Variants in ITPR3 observed in about 807,000 individuals in gnomAD.
The protein encoded by ITPR3 is inositol 1,4,5-trisphosphate receptor type 3, also known as inositol 1,4,5-trisphosphate-gated calcium channel ITPR3.
ITPR3 carries 173 observed loss-of-function variants against 293.2 expected under a neutral mutation model. The observed-to-expected ratio is 0.59, with a 90% confidence interval of 0.52 to 0.67. ITPR3 has a LOEUF of 0.67. Ranked by LOEUF, ITPR3 falls within the 30% of genes least tolerant of loss-of-function variation. ITPR3 has a pLI of 0.00. For synonymous variants in ITPR3, 1,295 were observed against 1,444.4 expected (o/e 0.90, Z 2.35); for missense variants, 2,796 against 3,592.1 (o/e 0.78, Z 5.66).
chr6:33,640,350 G>T, intron 1 of ITPR3, 134 bp from the exon 2 acceptor site: 1 of 772,470 alleles, frequency 1.3e-6, no homozygotes, highest in Non-Finnish European at 2.0e-6. Flanking sequence ...TGACTTGATG[G>T]TGGGGAGCTT....
At chr6:33,663,095 G>T (rs1457551315) in intron 9 of ITPR3, 89 bp downstream of exon 9, 1 of 1,121,426 alleles carries the variant, frequency 8.9e-7, no homozygotes, top group South Asian at 1.4e-5. Flanking sequence ...TTGCATATGT[G>T]GCACATGTGC....
rs756593523 is a variant in ITPR3 at position 33,687,262 on chromosome 6, G to A, written c.6112G>A (p.Glu2038Lys). 1.9e-5 allele frequency: 31 copies of A among 1,613,702 alleles called. No individual in the cohort carries two copies. Among genetic ancestry groups the A allele is most frequent in the Admixed American group, 6.7e-5 (4 of 59,994 alleles). Reference sequence around the variant, plus strand: ...CAAGAAGGCCTACCTGCAGGAGGAAGAGCGTGAGAACTCGGAGGTGAGCCC... The same window carrying A: ...CAAGAAGGCCTACCTGCAGGAGGAAAAGCGTGAGAACTCGGAGGTGAGCCC... ...VIKKAYLQEE[E>K]RENSEVSPRE... Residue 2038 changes from glutamate (E) to lysine (K), a missense_variant, in exon 45 of 58, where the codon GAG becomes AAG. Physicochemically the swap from Glu to Lys is moderately conservative, Grantham distance 56. This residue lies in a region of ITPR3 where 704 missense variants were observed against 797.5 expected (regional missense o/e 0.88). Transcript: ENST00000605930. The surrounding 1 kb of genome is among the most constrained non-coding windows in gnomAD (Gnocchi z 5.3).
intron 7 of ITPR3, among the ~76,000 whole-genome samples, chr6:33,659,815 A>G (rs1003233921): frequency 6.6e-6 from 1 of 152,108 alleles, no homozygotes; most frequent in Non-Finnish European, 1.5e-5. Context: ...AGGGGGTGTC[A>G]GTGGACTGGG....
At position 33,670,316 on chromosome 6, in the gene ITPR3, G is replaced by C. The variant is rs1293010216; in HGVS notation, c.2190-9G>C. ...CTGCCGTGTCCTCACAGTCCTCCCT[G>C]TCCTGCAGGTACCAGCTGAAGCTCT... On this transcript the variant is annotated splice_polypyrimidine_tract_variant and intron_variant, in intron 18 of 57. Transcript: ENST00000605930. The surrounding 1 kb of genome is among the most constrained non-coding windows in gnomAD (Gnocchi z 6.7). The C allele has an allele frequency of 1.9e-6, 3 of 1,613,924 alleles. No homozygotes were observed. Among genetic ancestry groups the C allele is most frequent in the Admixed American group, 3.3e-5 (2 of 60,028 alleles).
At chr6:33,681,327 A>G (rs1765070457) in intron 33 of ITPR3, among the ~76,000 whole-genome samples, 1 of 152,146 alleles carries the variant, frequency 6.6e-6, no homozygotes, top group African/African-American at 2.4e-5. Flanking sequence ...CATCCATGGG[A>G]TGGTACAGCC....
chr6:33,680,692 C>A lies in ITPR3; in HGVS notation c.4476+12C>A. The A allele has an allele frequency of 6.2e-7, 1 of 1,608,198 alleles. No individual in the cohort carries two copies. The highest frequency in any genetic ancestry group is 8.5e-7 in the Non-Finnish European group (1 of 1,175,162). ...GCACTTCCCTGCAGGTGAGCTTCTC[C>A]TCTCCCACCACCCCAGGGCCGACTT... On this transcript the variant is annotated intron_variant, in intron 33 of 57. Coordinates refer to ENST00000605930, the MANE Select transcript of ITPR3 (RefSeq NM_002224.4).
In ITPR3 at chr6:33,674,276, G is replaced by C; in HGVS notation, c.3116+11G>C. 1.9e-6 allele frequency: 3 copies of C among 1,613,684 alleles called. No homozygotes were observed. The highest frequency in any genetic ancestry group is 2.5e-6 in the Non-Finnish European group (3 of 1,179,786). On this transcript the variant is annotated intron_variant, in intron 24 of 57. Transcript: ENST00000605930. Reference sequence around the variant, plus strand: ...CATGTTTGGAGTGGGGTGAGGCCAGGGTTGAGCTGCAGGGGTGTGTGGGGT... The same window carrying C: ...CATGTTTGGAGTGGGGTGAGGCCAGCGTTGAGCTGCAGGGGTGTGTGGGGT...
chr6:33,665,296 A>G (rs1764581916), intron 13 of ITPR3, 83 bp downstream of exon 13: 1 of 1,525,312 alleles, frequency 6.6e-7, no homozygotes, highest in Admixed American at 1.9e-5. Flanking sequence ...GTCATGAAGC[A>G]GAAGCTGGGC....
intron 1 of ITPR3, among the ~76,000 whole-genome samples, chr6:33,627,665 A>T (rs1330342907): frequency 6.6e-6 from 1 of 152,080 alleles, no homozygotes; most frequent in Non-Finnish European, 1.5e-5. Flanking sequence ...TACACCTTTA[A>T]CTCTTAGGCT....
In ITPR3 at chr6:33,683,481, G is replaced by A. The variant is rs184113209; in HGVS notation, c.4788+84G>A. The A allele has an allele frequency of 3.4e-4, 406 of 1,183,168 alleles. 2 individuals are homozygous for A. In the African/African-American group the frequency reaches 5.2e-3, roughly 15 times the overall value. The allele number at this position is 1,183,168 out of a possible 1,614,324, so 73.3% of individuals were successfully genotyped here. ...CCCTACTTTGGAGGGGCAAGTTCTC[G>A]GGGAGTGTTTCTTCCTGTCCTGCCC... On this transcript the variant is annotated intron_variant, in intron 35 of 57. Transcript: ENST00000605930. This position sits in a 1 kb window ranked among gnomAD's most constrained non-coding sequence, Gnocchi z 4.5.
At position 33,690,995 on chromosome 6, in the gene ITPR3, C is replaced by T; in HGVS notation, c.7111C>T (p.Leu2371=). 6.2e-7 allele frequency: 1 copy of T among 1,614,218 alleles called. No individual in the cohort carries two copies. Among genetic ancestry groups the T allele is most frequent in the Non-Finnish European group, 8.5e-7 (1 of 1,180,018 alleles). The change falls in exon 52 of 58, where the codon CTG becomes TTG. Residue 2371 remains leucine, a synonymous_variant. Transcript: ENST00000605930. ...GACCCGCAATGGCCGCTCCATCCTG[C>T]TGACAGCCCTGCTGGCCCTCATCCT... ...SVTRNGRSIL[L]TALLALILVY... is the part of the protein sequence containing the mutation.
intron 50 of ITPR3, 83 bp downstream of exon 50, chr6:33,689,493 G>A: frequency 1.3e-6 from 2 of 1,481,990 alleles, no homozygotes; most frequent in Non-Finnish European, 1.8e-6. Flanking sequence ...GCTGCTTCCA[G>A]GAGCCACTGC....
Position 33,672,139 on chromosome 6 carries a change from G to C in ITPR3, c.2839G>C (p.Ala947Pro). ...SAPSLSAGAS[A>P]AEPLDRSKFE... ...CCCCAGCCTGTCTGCTGGGGCCAGTGCTGCTGAGCCGCTGGACAGAAGCAA... is the reference window on the plus strand; with the variant it reads ...CCCCAGCCTGTCTGCTGGGGCCAGTCCTGCTGAGCCGCTGGACAGAAGCAA... Residue 947 changes from alanine to proline, a missense_variant, in exon 22 of 58, where the codon GCT becomes CCT. Around this residue, in one of 8 missense-constraint regions of ITPR3, gnomAD observed 955 missense variants for 1,180.8 expected, o/e 0.81. Transcript: ENST00000605930. The surrounding 1 kb of genome is among the most constrained non-coding windows in gnomAD (Gnocchi z 5.0). The C allele has an allele frequency of 6.2e-7, 1 of 1,614,130 alleles. No individual in the cohort carries two copies. The highest frequency in any genetic ancestry group is 8.5e-7 in the Non-Finnish European group (1 of 1,180,032).
chr6:33,623,089 A>G (rs1763475003), intron 1 of ITPR3, among the ~76,000 whole-genome samples: 1 of 152,076 alleles, frequency 6.6e-6, no homozygotes, highest in Non-Finnish European at 1.5e-5. Flanking sequence ...AGCAGTGACT[A>G]GGCCCTGGCT....
In ITPR3 at chr6:33,687,503, A is replaced by G. The variant is rs765795509; in HGVS notation, c.6203A>G (p.Gln2068Arg). 6.2e-7 allele frequency: 1 copy of G among 1,608,720 alleles called. No individual in the cohort carries two copies. Among genetic ancestry groups the G allele is most frequent in the Non-Finnish European group, 8.5e-7 (1 of 1,177,106 alleles). ...CTCTCCAGGCACAATAAACAGCTGC[A>G]GCACCTGCTGAAGCCGGTGAAGCGC... is the stretch of plus-strand genomic sequence containing the variant. ...LQLSRHNKQL[Q>R]HLLKPVKRIQ... Residue 2068 changes from glutamine (Q) to arginine (R), a missense_variant, in exon 46 of 58, where the codon CAG (glutamine) becomes CGG (arginine). Around this residue, in one of 8 missense-constraint regions of ITPR3, gnomAD observed 704 missense variants for 797.5 expected, o/e 0.88. Transcript: ENST00000605930. This position sits in a 1 kb window ranked among gnomAD's most constrained non-coding sequence, Gnocchi z 5.3.
intron 57 of ITPR3, 109 bp downstream of exon 57, chr6:33,695,194 G>A: frequency 8.0e-7 from 1 of 1,250,004 alleles, no homozygotes; most frequent in Non-Finnish European, 1.1e-6. Flanking sequence ...CTCTGGCCCT[G>A]GGCCTGGATG....
Position 33,640,508 on chromosome 6 carries a change from G to A in ITPR3, c.114G>A (p.Val38=). 1.2e-6 allele frequency: 2 copies of A among 1,613,704 alleles called. No individual in the cohort carries two copies. The highest frequency in any genetic ancestry group is 2.2e-5 in the South Asian group (2 of 91,060). ...TLGLVDDRCV[V]EPAAGDLDNP... ...GGCTGGTGGATGACCGCTGTGTGGTGGAGCCCGCGGCCGGGGACCTGGACA... is the reference window on the plus strand; with the variant it reads ...GGCTGGTGGATGACCGCTGTGTGGTAGAGCCCGCGGCCGGGGACCTGGACA... The change falls in exon 2 of 58, where the codon GTG becomes GTA. Residue 38 remains valine (V), a synonymous_variant. Transcript: ENST00000605930.
At chr6:33,690,346 T>C in intron 51 of ITPR3, 148 bp downstream of exon 51, 1 of 837,180 alleles carries the variant, frequency 1.2e-6, no homozygotes, top group Non-Finnish European at 1.8e-6. Flanking sequence ...AGTCTTCATC[T>C]GCCTGACCCA....
rs1403681333 is a variant in ITPR3, at chr6:33,685,575, A to G, written c.5482+42A>G. The G allele has an allele frequency of 3.1e-6, 5 of 1,600,656 alleles. No homozygotes were observed. The African/African-American group carries it at 6.7e-5, about 21-fold the overall frequency. On this transcript the variant is annotated intron_variant, in intron 40 of 57. Transcript: ENST00000605930. Reference sequence around the variant, plus strand: ...AGAGGCACGGCGTGACGGGGATCCCAGGATAAGATGTGCAGGGGGGTGGCC... The same window carrying G: ...AGAGGCACGGCGTGACGGGGATCCCGGGATAAGATGTGCAGGGGGGTGGCC...
Sources: allele counts gnomAD v4.1 joint callset (sites outside exome capture counted in the v4.1 genomes callset), GRCh38; gene constraint gnomAD v4.1.1; regional missense constraint gnomAD v4.1.1; non-coding constraint Gnocchi (gnomAD v3.1); transcripts MANE v1.5; gene names NCBI Gene and HGNC (gene_info 2026-07-23, HGNC 2026-07-21).